The following FCHSD2 variants were observed in gnomAD, a reference collection of about 807,000 sequenced individuals.
FCHSD2 encodes the protein F-BAR and double SH3 domains protein 2.
Under a neutral mutation model 108.1 loss-of-function variants are expected in FCHSD2, and 38 were observed. That is an observed-to-expected ratio of 0.35 (90% CI 0.27 to 0.46). The LOEUF is 0.46. Among genes scored for constraint, FCHSD2 ranks in the 20% least tolerant of loss-of-function variants. FCHSD2 has a pLI of 1.00. For synonymous variants in FCHSD2, 279 were observed against 314.7 expected (o/e 0.89, Z 1.20); for missense variants, 751 against 897.8 (o/e 0.84, Z 2.09).
At chr11:73,134,600 A>G (rs1861079462) in intron 2 of FCHSD2, among the ~76,000 whole-genome samples, 1 of 152,256 alleles carries the variant, frequency 6.6e-6, no homozygotes, top group African/African-American at 2.4e-5. Flanking sequence ...CTAGACCACC[A>G]GGTGTCTGCA....
Position 73,015,858 on chromosome 11 carries a change from G to A in FCHSD2, c.193C>T (p.Leu65=), listed in dbSNP as rs150363993. The A allele has an allele frequency of 2.2e-4, 354 of 1,603,136 alleles. No individual in the cohort carries two copies. The highest frequency in any genetic ancestry group is 2.7e-4 in the Non-Finnish European group (322 of 1,173,312). ...TTTACTCCAGGCCAATCTCTCTTCA[G>A]GTATTGACTAGCCAACTTCTGCATA... ...QGMQKLASQY[L]KRDWPGVKAD... is the part of the protein sequence containing the mutation. The change falls in exon 4 of 20, where the codon CTG becomes TTG. Residue 65 remains leucine (L), a synonymous_variant. Coordinates refer to ENST00000409418, the MANE Select transcript of FCHSD2 (RefSeq NM_014824.3).
Position 73,142,076 on chromosome 11 carries a change from AG to A in FCHSD2, c.-200del, listed in dbSNP as rs1429011923. Reference sequence around the variant, plus strand: ...GCCAGAGAGCGAGTGTGAGGAGACGAGGGAGGAGCACCGGGAAGGCTTGGGG... The same window carrying A: ...GCCAGAGAGCGAGTGTGAGGAGACGAGGAGGAGCACCGGGAAGGCTTGGGG... On this transcript the variant is annotated 5_prime_UTR_variant, in exon 1 of 20. Transcript: ENST00000409418. 1 of 487,972 alleles carries A rather than the reference AG, an allele frequency of 2.0e-6. No individual in the cohort carries two copies. Among genetic ancestry groups the A allele is most frequent in the African/African-American group, 2.1e-5 (1 of 47,406 alleles). The allele number at this position is 487,972 out of a possible 1,614,324, so 30.2% of individuals were successfully genotyped here. A position where few individuals can be genotyped will look rare whatever the true frequency, so the allele number is the denominator to read the frequency against.
intron 10 of FCHSD2, among the ~76,000 whole-genome samples, chr11:72,898,920 T>A (rs1056193457): frequency 7.9e-5 from 12 of 151,734 alleles, no homozygotes; most frequent in African/African-American, 1.5e-4. Flanking sequence ...TATTATTATT[T>A]TTTTTTTAGA....
intron 8 of FCHSD2, among the ~76,000 whole-genome samples, chr11:72,922,719 A>G (rs1459493604): frequency 1.3e-5 from 2 of 152,090 alleles, no homozygotes; most frequent in African/African-American, 2.4e-5. Context: ...GGAAAAATAT[A>G]ATAATAATAA....
rs544552512 is a variant in FCHSD2, at chr11:72,838,538, C to A, written c.*253G>T. 5 of 533,420 alleles carry A rather than the reference C, an allele frequency of 9.4e-6. No homozygotes were observed. Among genetic ancestry groups the A allele is most frequent in the South Asian group, 6.4e-5 (3 of 46,882 alleles). 33.0% of individuals were successfully genotyped at this position (533,420 alleles called of 1,614,324 possible). ...CACTGTTAGGCATGAGGGCTGCCCC[C>A]CTCTTTGCTCCTAGGGTCCGCTAGG... is the stretch of plus-strand genomic sequence containing the variant. On this transcript the variant is annotated 3_prime_UTR_variant, in exon 20 of 20. Coordinates refer to ENST00000409418, the MANE Select transcript of FCHSD2 (RefSeq NM_014824.3).
At chr11:73,033,132 T>C (rs1434045966) in intron 3 of FCHSD2, among the ~76,000 whole-genome samples, 6 of 151,296 alleles carry the variant, frequency 4.0e-5, no homozygotes, top group African/African-American at 1.2e-4. Flanking sequence ...ACTAAAAATA[T>C]AAAAAATTAG....
chr11:72,937,221 G>A (rs1408456061), intron 8 of FCHSD2, among the ~76,000 whole-genome samples: 1 of 152,110 alleles, frequency 6.6e-6, no homozygotes, highest in Non-Finnish European at 1.5e-5. Flanking sequence ...TAGATATTTA[G>A]GTATCTAAAT....
At chr11:72,849,550 GAA>G (rs1354655240) in intron 14 of FCHSD2, among the ~76,000 whole-genome samples, 8 of 152,054 alleles carry the variant, frequency 5.3e-5, no homozygotes, top group Non-Finnish European at 1.0e-4. Flanking sequence ...GAGATTTGGG[GAA>G]AAAAAGAGTT....
intron 13 of FCHSD2, among the ~76,000 whole-genome samples, chr11:72,853,087 C>T (rs1591342577): frequency 6.6e-6 from 1 of 152,228 alleles, no homozygotes; most frequent in South Asian, 2.1e-4. Flanking sequence ...AACAAACCCC[C>T]ATGACACGAG....
chr11:73,061,799 G>C (rs1467335055), intron 3 of FCHSD2, among the ~76,000 whole-genome samples: 2 of 152,194 alleles, frequency 1.3e-5, no homozygotes, highest in Non-Finnish European at 2.9e-5. Flanking sequence ...AAAAAAGGCA[G>C]CAGCCCCAGT....
intron 9 of FCHSD2, among the ~76,000 whole-genome samples, chr11:72,914,962 A>ATTTT (rs1484667611): frequency 9.5e-5 from 4 of 41,918 alleles, no homozygotes; most frequent in Non-Finnish European, 1.6e-4. Context: ...ACAGAATGGG[A>ATTTT]ATTTTTTTTT....
chr11:72,849,700 G>A, intron 14 of FCHSD2, 55 bp downstream of exon 14: 3 of 1,330,700 alleles, frequency 2.3e-6, no homozygotes, highest in Non-Finnish European at 3.2e-6. Context: ...ATACAGTCAT[G>A]TGTATCTTCA....
At chr11:73,136,287 A>G (rs1011726574) in intron 2 of FCHSD2, among the ~76,000 whole-genome samples, 10 of 152,098 alleles carry the variant, frequency 6.6e-5, no homozygotes, top group African/African-American at 2.4e-4. Flanking sequence ...TTTCAATGAT[A>G]TAAAAACTTT....
At chr11:73,044,821 A>C (rs1402295611) in intron 3 of FCHSD2, among the ~76,000 whole-genome samples, 1 of 152,162 alleles carries the variant, frequency 6.6e-6, no homozygotes, top group Non-Finnish European at 1.5e-5. Context: ...CTGTAATCCC[A>C]GTACTTTGGG....
chr11:73,025,685 T>A (rs1215151655), intron 3 of FCHSD2, among the ~76,000 whole-genome samples: 3 of 152,194 alleles, frequency 2.0e-5, no homozygotes, highest in African/African-American at 4.8e-5. Context: ...AAAAATTTTT[T>A]AAATCTCCTT....
intron 3 of FCHSD2, among the ~76,000 whole-genome samples, chr11:73,055,766 G>A (rs1039272553): frequency 5.9e-5 from 9 of 152,068 alleles, no homozygotes; most frequent in Admixed American, 3.3e-4. Flanking sequence ...TAAGAATACT[G>A]AAGTCCAAAA....
chr11:72,974,822 A>G (rs2135388527), intron 8 of FCHSD2, among the ~76,000 whole-genome samples: 1 of 152,258 alleles, frequency 6.6e-6, no homozygotes, highest in South Asian at 2.1e-4. Context: ...AAAAAAGGAT[A>G]TAAAGCAAGA....
At chr11:72,852,495 GTC>G (rs1375138017) in intron 13 of FCHSD2, among the ~76,000 whole-genome samples, 1 of 152,032 alleles carries the variant, frequency 6.6e-6, no homozygotes, top group African/African-American at 2.4e-5. Flanking sequence ...GCGAAACCTT[GTC>G]TCTACTAAAA....
intron 8 of FCHSD2, among the ~76,000 whole-genome samples, chr11:72,937,595 G>A (rs1399758323): frequency 2.0e-5 from 3 of 152,028 alleles, no homozygotes; most frequent in Non-Finnish European, 2.9e-5. Flanking sequence ...TGCCTGCCTC[G>A]GCCTCCCAAA....
Sources: gnomAD v4.1 joint callset for allele counts (sites outside exome capture counted in the v4.1 genomes callset) on GRCh38, gnomAD v4.1.1 for gene constraint, MANE v1.5 for transcripts, NCBI Gene and HGNC (gene_info 2026-07-23, HGNC 2026-07-21) for gene names.